Variants in RPA3 observed in about 807,000 individuals in gnomAD.
The protein encoded by RPA3 is replication protein A 14 kDa subunit.
A neutral mutation model predicts 13.7 loss-of-function variants in RPA3; 24 were observed. The observed-to-expected ratio is 1.75, with a 90% CI of 1.27 to 2.46. The LOEUF (loss-of-function observed/expected upper bound fraction) is 2.46, where lower values mean the gene tolerates loss of function less well. RPA3 is among the 30% of genes most tolerant of loss of function. The pLI is 0.00. For synonymous variants in RPA3, 59 were observed against 51.2 expected (o/e 1.15, Z -0.65); for missense variants, 183 against 151.0 (o/e 1.21, Z -1.11).
intron 4 of RPA3, among the ~76,000 whole-genome samples, chr7:7,660,223 C>T (rs1169694870): frequency 1.3e-5 from 2 of 152,186 alleles, no homozygotes; most frequent in East Asian, 1.9e-4. Context: ...CTCCTGAATA[C>T]AACATACTGA....
At chr7:7,673,827 G>A (rs535914136) in intron 4 of RPA3, among the ~76,000 whole-genome samples, 1 of 151,860 alleles carries the variant, frequency 6.6e-6, no homozygotes, top group Admixed American at 6.5e-5. Flanking sequence ...AATTAAATTA[G>A]GCATCCAATA....
intron 4 of RPA3, among the ~76,000 whole-genome samples, chr7:7,646,019 G>A (rs1785085815): frequency 6.6e-6 from 1 of 152,180 alleles, no homozygotes; most frequent in Non-Finnish European, 1.5e-5. Context: ...GCATGCAGGT[G>A]AGCAGGTGCA....
At chr7:7,687,799 A>G (rs970113109) in intron 2 of RPA3, among the ~76,000 whole-genome samples, 3 of 152,352 alleles carry the variant, frequency 2.0e-5, no homozygotes, top group Admixed American at 2.0e-4. Context: ...GGTTTACACT[A>G]TAGTGTTACT....
In RPA3 at chr7:7,683,905, G is replaced by A. The variant is rs1779976282; in HGVS notation, c.-758+1925C>T. Among the ~76,000 whole-genome samples the A allele has an allele frequency of 2.6e-5, 4 of 152,204 alleles. No individual in the cohort carries two copies. In the South Asian group the frequency reaches 8.3e-4, roughly 31 times the overall value. On this transcript the variant is annotated intron_variant, in intron 4 of 7. Transcript: ENST00000223129. ...CCCAAACAGCTGGGATTATAGGCGT[G>A]AGCCACTGCTTCCAGCCAAAATTCA...
chr7:7,656,259 G>C (rs926622478), intron 4 of RPA3, among the ~76,000 whole-genome samples: 2 of 152,064 alleles, frequency 1.3e-5, no homozygotes, highest in East Asian at 3.8e-4. Flanking sequence ...GGAGAAAAAA[G>C]AACAATGTAA....
At chr7:7,661,033 ATCTTG>A (rs1785462509) in intron 4 of RPA3, among the ~76,000 whole-genome samples, 1 of 151,318 alleles carries the variant, frequency 6.6e-6, no homozygotes, top group East Asian at 1.9e-4. Context: ...TTGTTTTCTA[ATCTTG>A]TCTTCATGCT....
intron 5 of RPA3, 188 bp downstream of exon 5, chr7:7,640,132 G>A: frequency 1.6e-6 from 1 of 620,284 alleles, no homozygotes; most frequent in South Asian, 1.8e-5. Flanking sequence ...CTTTGTTTCC[G>A]TGCCATAAAA....
At chr7:7,639,358 AT>A (rs56148816) in intron 5 of RPA3, among the ~76,000 whole-genome samples, 2 of 152,018 alleles carry the variant, frequency 1.3e-5, no homozygotes, top group Non-Finnish European at 2.9e-5. Context: ...ATAAACAAGG[AT>A]TTTTTTTGTA....
chr7:7,670,373 G>A (rs1779576431), intron 4 of RPA3, among the ~76,000 whole-genome samples: 1 of 152,198 alleles, frequency 6.6e-6, no homozygotes, highest in South Asian at 2.1e-4. Context: ...AAAAGTTCTT[G>A]TAGCACTCTA....
chr7:7,676,531 C>G (rs897011672), intron 4 of RPA3, among the ~76,000 whole-genome samples: 1 of 152,076 alleles, frequency 6.6e-6, no homozygotes, highest in Non-Finnish European at 1.5e-5. Context: ...TTATTGACAT[C>G]CTAACCTCTT....
At chr7:7,676,471 A>G (rs921915304) in intron 4 of RPA3, among the ~76,000 whole-genome samples, 2 of 152,184 alleles carry the variant, frequency 1.3e-5, no homozygotes, top group Non-Finnish European at 1.5e-5. Flanking sequence ...CCACTGAACT[A>G]TCCATCTTTT....
At chr7:7,644,021 A>G (rs1785038499) in intron 4 of RPA3, among the ~76,000 whole-genome samples, 1 of 152,158 alleles carries the variant, frequency 6.6e-6, no homozygotes, top group Non-Finnish European at 1.5e-5. Flanking sequence ...TAGTAAAAAA[A>G]TGATTTCCCC....
At chr7:7,648,924 C>T (rs1328060539) in intron 4 of RPA3, among the ~76,000 whole-genome samples, 4 of 151,762 alleles carry the variant, frequency 2.6e-5, no homozygotes, top group East Asian at 1.9e-4. Context: ...TTTGGGAGGC[C>T]GAGGTGGGTG....
intron 4 of RPA3, among the ~76,000 whole-genome samples, chr7:7,677,664 G>GTTTT (rs141602455): frequency 7.0e-5 from 8 of 113,498 alleles, no homozygotes; most frequent in African/African-American, 2.9e-4. Flanking sequence ...CTGTTTTTTT[G>GTTTT]TTTTTTTTTT....
chr7:7,670,552 A>G (rs987364991), intron 4 of RPA3, among the ~76,000 whole-genome samples: 15 of 152,116 alleles, frequency 9.9e-5, no homozygotes, highest in South Asian at 4.1e-4. Context: ...TCTCTCTACT[A>G]CTATAGGCAA....
intron 2 of RPA3, among the ~76,000 whole-genome samples, chr7:7,713,204 C>T (rs1780810707): frequency 6.6e-6 from 1 of 151,772 alleles, no homozygotes; most frequent in Non-Finnish European, 1.5e-5. Context: ...ATTAGCTGGG[C>T]ATGGTGGCGT....
chr7:7,692,700 C>T (rs186298879), intron 2 of RPA3, among the ~76,000 whole-genome samples: 8 of 152,298 alleles, frequency 5.3e-5, no homozygotes, highest in African/African-American at 1.7e-4. Context: ...ACCTCCACCT[C>T]CTGGGTTCAA....
At chr7:7,686,446 A>AT (rs1780043213) in intron 3 of RPA3, among the ~76,000 whole-genome samples, 1 of 152,144 alleles carries the variant, frequency 6.6e-6, no homozygotes, top group Non-Finnish European at 1.5e-5. Context: ...TTTATTGACA[A>AT]TTTTTTAAAA....
rs28912693 is a variant in RPA3, at chr7:7,708,308, T to A, written c.-1028+6867A>T. On this transcript the variant is annotated intron_variant, in intron 2 of 7. Coordinates refer to ENST00000223129, the MANE Select transcript of RPA3 (RefSeq NM_002947.5). The stretch of plus-strand genomic sequence containing the variant: ...TCCCTTTCACCCTTGGTTTACTAGT[T>A]AATGTTGAATAAGCTACTTGTAGAC... Among the ~76,000 whole-genome samples the A allele has an allele frequency of 1.3e-3, 192 of 152,336 alleles. 2 individuals carry two copies. The highest frequency in any genetic ancestry group is 4.5e-3 in the African/African-American group (187 of 41,582).
Sources: allele counts gnomAD v4.1 joint callset (sites outside exome capture counted in the v4.1 genomes callset), GRCh38; gene constraint gnomAD v4.1.1; transcripts MANE v1.5; gene names NCBI Gene and HGNC (gene_info 2026-07-23, HGNC 2026-07-21).